Variants in MIA2 observed in about 807,000 individuals in gnomAD.
MIA2 encodes the protein MIA SH3 domain ER export factor 2.
Under a neutral mutation model 167.8 loss-of-function variants are expected in MIA2, and 127 were observed. The ratio of observed to expected loss-of-function variants is 0.76; its 90% CI spans 0.66 to 0.88. The LOEUF (loss-of-function observed/expected upper bound fraction) is 0.88. Among genes scored for constraint, MIA2 ranks in the 40% least tolerant of loss-of-function variants. MIA2 has a pLI of 0.00. For synonymous variants in MIA2, 552 were observed against 541.9 expected, an observed-to-expected ratio of 1.02 and a Z score of -0.26; for missense variants, 1,690 against 1,624.7, an observed-to-expected ratio of 1.04 and a Z score of -0.69.
intron 4 of MIA2, 113 bp downstream of exon 4, chr14:39,248,254 G>T: frequency 1.3e-6 from 1 of 791,928 alleles, no homozygotes; most frequent in Admixed American, 4.1e-5. Context: ...AGAATACTTA[G>T]CTCTTTCATC....
intron 17 of MIA2, among the ~76,000 whole-genome samples, chr14:39,306,449 T>C (rs2063354396): frequency 6.6e-6 from 1 of 152,024 alleles, no homozygotes; most frequent in Non-Finnish European, 1.5e-5. Flanking sequence ...TGTTACACAC[T>C]TTAAAACAAC....
intron 9 of MIA2, among the ~76,000 whole-genome samples, chr14:39,282,584 CT>C (rs1468969280): frequency 6.6e-6 from 1 of 151,972 alleles, no homozygotes; most frequent in African/African-American, 2.4e-5. Flanking sequence ...ATTTTCTTTT[CT>C]TTTATTGAGA....
intron 23 of MIA2, among the ~76,000 whole-genome samples, chr14:39,361,130 G>T (rs1305859019): frequency 6.6e-6 from 1 of 151,960 alleles, no homozygotes; most frequent in East Asian, 1.9e-4. Context: ...GCTAGTTCTG[G>T]CTCTTCTTTG....
intron 18 of MIA2, among the ~76,000 whole-genome samples, chr14:39,311,142 G>A (rs2064165422): frequency 6.6e-6 from 1 of 152,138 alleles, no homozygotes; most frequent in South Asian, 2.1e-4. Flanking sequence ...TAGTACCCTA[G>A]TTGTGTGTGT....
At chr14:39,331,044 A>G (rs1456563930) in intron 25 of MIA2, among the ~76,000 whole-genome samples, 1 of 152,164 alleles carries the variant, frequency 6.6e-6, no homozygotes, top group East Asian at 1.9e-4. Context: ...TCTGTCTAAT[A>G]TTGACAGTGG....
Position 39,301,039 on chromosome 14 carries a change from T to TAC in MIA2, c.2620-1053_2620-1052dup, listed in dbSNP as rs58641218. Among the ~76,000 whole-genome samples the TAC allele has an allele frequency of 3.3e-3, 485 of 145,234 alleles. 6 individuals carry two copies. Among genetic ancestry groups the TAC allele is most frequent in the South Asian group, 0.023 (102 of 4,526 alleles). On this transcript the variant is annotated intron_variant, in intron 14 of 28. Coordinates refer to ENST00000640607, the MANE Select transcript of MIA2 (RefSeq NM_001329214.4). Reference sequence around the variant, plus strand: ...ATATACACACATATATACATATACATACACACACACACACACACACACACA... The same window carrying TAC: ...ATATACACACATATATACATATACATACACACACACACACACACACACACACA...
intron 25 of MIA2, among the ~76,000 whole-genome samples, chr14:39,341,369 G>T (rs1292598333): frequency 6.6e-6 from 1 of 152,054 alleles, no homozygotes; most frequent in Non-Finnish European, 1.5e-5. Flanking sequence ...ATATTTATTT[G>T]CTGATGGGAA....
intron 9 of MIA2, among the ~76,000 whole-genome samples, chr14:39,280,732 AAAACAAAC>A (rs549743260): frequency 4.2e-4 from 63 of 151,686 alleles, no homozygotes; most frequent in Middle Eastern, 3.4e-3. Context: ...ACTCCTTCTC[AAAACAAAC>A]AAACAAACAA....
intron 25 of MIA2, among the ~76,000 whole-genome samples, chr14:39,329,920 C>T (rs908316531): frequency 6.6e-6 from 1 of 152,050 alleles, no homozygotes; most frequent in Non-Finnish European, 1.5e-5. Context: ...AGATATTGGC[C>T]TGAAATTTTC....
chr14:39,350,508 G>A lies in MIA2; in HGVS notation c.*244G>A, dbSNP rs1680645304. 2.8e-6 allele frequency: 1 copy of A among 353,416 alleles called. No homozygotes were observed. Among genetic ancestry groups the A allele is most frequent in the Non-Finnish European group, 5.1e-6 (1 of 197,486 alleles). The allele number at this position is 353,416 out of a possible 1,614,324, so 21.9% of individuals were successfully genotyped here. ...ATCCACTATTATATAAACAATAGTGGGAGTTTTATATATGTAATCTTTCAG... is the reference window on the plus strand; with the variant it reads ...ATCCACTATTATATAAACAATAGTGAGAGTTTTATATATGTAATCTTTCAG... On this transcript the variant is annotated 3_prime_UTR_variant, in exon 29 of 29. Coordinates refer to ENST00000640607, the MANE Select transcript of MIA2 (RefSeq NM_001329214.4).
chr14:39,306,891 T>C (rs1418373306), intron 17 of MIA2, among the ~76,000 whole-genome samples: 2 of 152,156 alleles, frequency 1.3e-5, no homozygotes, highest in African/African-American at 4.8e-5. Context: ...TTGAGGTAAT[T>C]ATGTTAGAAG....
chr14:39,358,533 C>G (rs1365738635), intron 23 of MIA2, among the ~76,000 whole-genome samples: 1 of 152,044 alleles, frequency 6.6e-6, no homozygotes, highest in Admixed American at 6.6e-5. Context: ...GTTTGATTGT[C>G]TGAAGCCTTC....
chr14:39,300,938 A>ATG (rs2062320331), intron 14 of MIA2, among the ~76,000 whole-genome samples: 2 of 22,016 alleles, frequency 9.1e-5, no homozygotes, highest in Admixed American at 4.4e-4. Context: ...ACACACACAT[A>ATG]TATACATATA....
At chr14:39,267,190 G>A (rs1322563011) in intron 6 of MIA2, 1 of 1,264,196 alleles carries the variant, frequency 7.9e-7, no homozygotes, top group Non-Finnish European at 1.0e-6. Context: ...CGAGGACAGG[G>A]TACGTCGCAG....
intron 9 of MIA2, among the ~76,000 whole-genome samples, chr14:39,284,311 A>G (rs113379875): frequency 2.6e-3 from 403 of 152,258 alleles, no homozygotes; most frequent in African/African-American, 4.6e-3. Flanking sequence ...TGATGAGACT[A>G]TTCTTTCTGC....
At chr14:39,285,270 C>T (rs997872045) in intron 9 of MIA2, among the ~76,000 whole-genome samples, 3 of 152,136 alleles carry the variant, frequency 2.0e-5, no homozygotes, top group African/African-American at 7.2e-5. Context: ...GTTGGGTACA[C>T]CTCCCAGACG....
Position 39,283,395 on chromosome 14 carries a change from A to C in MIA2, c.2130+3858A>C, listed in dbSNP as rs549660714. Among the ~76,000 whole-genome samples the C allele has an allele frequency of 2.0e-5, 3 of 152,328 alleles. No homozygotes were observed. In the East Asian group the frequency reaches 5.8e-4, roughly 29 times the overall value. ...CTCAATGTCCTTGATAGATGGTTGAAAATTGACTTTAAGTGAAACAGTGTA... is the reference window on the plus strand; with the variant it reads ...CTCAATGTCCTTGATAGATGGTTGACAATTGACTTTAAGTGAAACAGTGTA... On this transcript the variant is annotated intron_variant, in intron 9 of 28. Transcript: ENST00000640607.
Position 39,319,206 on chromosome 14 carries a change from C to T in MIA2, c.3285-3C>T. ...CTTAGAGATGTTTGTTCTTTATTTG[C>T]AGATTAACTGAAACAGAGCTTAAAT... On this transcript the variant is annotated splice_region_variant and splice_polypyrimidine_tract_variant and intron_variant, in intron 22 of 28. Transcript: ENST00000640607. 2.6e-6 allele frequency: 4 copies of T among 1,522,664 alleles called. No individual in the cohort carries two copies. Among genetic ancestry groups the T allele is most frequent in the South Asian group, 2.6e-5 (2 of 77,610 alleles). The allele number at this position is 1,522,664 out of a possible 1,614,324, so 94.3% of individuals were successfully genotyped here. A position where few individuals can be genotyped will look rare whatever the true frequency, so the allele number is the denominator to read the frequency against.
chr14:39,354,620 C>G (rs1175614829), downstream of MIA2, among the ~76,000 whole-genome samples: 1 of 152,200 alleles, frequency 6.6e-6, no homozygotes, highest in African/African-American at 2.4e-5. Context: ...GTGTTTTAGA[C>G]ATGAGATCCT....
Sources: gnomAD v4.1 joint callset for allele counts (sites outside exome capture counted in the v4.1 genomes callset) on GRCh38, gnomAD v4.1.1 for gene constraint, MANE v1.5 for transcripts, NCBI Gene and HGNC (gene_info 2026-07-23, HGNC 2026-07-21) for gene names.